Variants in DGKB observed in about 807,000 individuals in gnomAD.
DGKB encodes the protein diacylglycerol kinase beta.
Under a neutral mutation model 114.3 loss-of-function variants are expected in DGKB, and 67 were observed. The ratio of observed to expected loss-of-function variants is 0.59; its 90% CI spans 0.48 to 0.72. DGKB has a LOEUF of 0.72. Among genes scored for constraint, DGKB ranks in the 30% least tolerant of loss-of-function variants. DGKB has a pLI of 0.00. For synonymous variants in DGKB, 398 were observed against 323.1 expected (o/e 1.23, Z -2.49); for missense variants, 907 against 975.2 (o/e 0.93, Z 0.93).
At chr7:14,521,329 A>C (rs960134813) in intron 20 of DGKB, among the ~76,000 whole-genome samples, 1 of 152,154 alleles carries the variant, frequency 6.6e-6, no homozygotes, top group Non-Finnish European at 1.5e-5. Flanking sequence ...TATTCAAAAA[A>C]TGGTGCTGGA....
At chr7:14,339,628 T>C (rs1811283467) in intron 22 of DGKB, among the ~76,000 whole-genome samples, 1 of 152,044 alleles carries the variant, frequency 6.6e-6, no homozygotes, top group Non-Finnish European at 1.5e-5. Context: ...ACAAGACTAT[T>C]CTGTATTTTT....
intron 1 of DGKB, among the ~76,000 whole-genome samples, chr7:14,916,180 C>G (rs1305962867): frequency 1.3e-5 from 2 of 151,492 alleles, no homozygotes; most frequent in Non-Finnish European, 2.9e-5. Flanking sequence ...TGAGATAACC[C>G]CTAACATTTT....
intron 21 of DGKB, among the ~76,000 whole-genome samples, chr7:14,382,714 T>C (rs1392513176): frequency 6.6e-6 from 1 of 152,146 alleles, no homozygotes; most frequent in African/African-American, 2.4e-5. Flanking sequence ...AAAAGTTTTG[T>C]TTTTACTCCC....
At chr7:14,828,859 G>A (rs1484807712) in intron 2 of DGKB, among the ~76,000 whole-genome samples, 34 of 152,104 alleles carry the variant, frequency 2.2e-4, no homozygotes, top group Non-Finnish European at 4.4e-5. Flanking sequence ...TAGTCTGAAT[G>A]TAGGACATTA....
intron 6 of DGKB, among the ~76,000 whole-genome samples, chr7:14,710,013 CAATCTTTTCTTCTCCTATTACAAAACAA>C (rs1233814884): frequency 6.7e-6 from 1 of 149,812 alleles, no homozygotes. Flanking sequence ...AAATGTTTGC[CAATCTTTTCTTCTCCTATTACAAAACAA>C]AATGAAAAAC....
At chr7:14,744,516 A>G (rs566277791) in intron 4 of DGKB, among the ~76,000 whole-genome samples, 6 of 152,334 alleles carry the variant, frequency 3.9e-5, no homozygotes, top group African/African-American at 1.4e-4. Flanking sequence ...AGGAACCTCA[A>G]GAAGAGAGGA....
chr7:14,875,658 C>T (rs1015450768), intron 1 of DGKB, among the ~76,000 whole-genome samples: 4 of 152,126 alleles, frequency 2.6e-5, no homozygotes, highest in African/African-American at 4.8e-5. Flanking sequence ...ATGTTGAACA[C>T]TTTGCGTATT....
At chr7:14,605,766 A>C (rs1585071517) in intron 17 of DGKB, among the ~76,000 whole-genome samples, 1 of 152,224 alleles carries the variant, frequency 6.6e-6, no homozygotes, top group Non-Finnish European at 1.5e-5. Flanking sequence ...CAAAACAGTC[A>C]TGTTTTTATT....
intron 2 of DGKB, among the ~76,000 whole-genome samples, chr7:14,825,847 G>C (rs989683160): frequency 2.0e-5 from 3 of 152,104 alleles, no homozygotes; most frequent in Admixed American, 6.6e-5. Context: ...AACTACAAGT[G>C]AGCTCTTACC....
intron 5 of DGKB, among the ~76,000 whole-genome samples, chr7:14,730,184 C>A (rs1830701567): frequency 6.6e-6 from 1 of 152,098 alleles, no homozygotes; most frequent in Admixed American, 6.5e-5. Context: ...CTAACAGTTA[C>A]TAATAATTGC....
intron 20 of DGKB, among the ~76,000 whole-genome samples, chr7:14,501,178 G>A (rs975876211): frequency 1.3e-5 from 2 of 151,754 alleles, no homozygotes; most frequent in African/African-American, 4.8e-5. Context: ...GAATCACAAG[G>A]TTGTGACTGT....
intron 1 of DGKB, among the ~76,000 whole-genome samples, chr7:14,967,461 T>C (rs568811048): frequency 4.4e-4 from 67 of 151,852 alleles, no homozygotes; most frequent in African/African-American, 1.6e-3. Flanking sequence ...GCTGGGATTG[T>C]AGGCATGCAC....
At chr7:14,483,542 C>A (rs1372324670) in intron 20 of DGKB, among the ~76,000 whole-genome samples, 2 of 152,136 alleles carry the variant, frequency 1.3e-5, no homozygotes, top group African/African-American at 4.8e-5. Context: ...AGACATGAAT[C>A]TTTGGGGGCC....
At chr7:14,509,420 T>C (rs1821100) in intron 20 of DGKB, among the ~76,000 whole-genome samples, 64,897 of 151,868 alleles carry the variant, frequency 0.43, 14,844 homozygotes, top group East Asian at 0.73. Context: ...TAACACTCCC[T>C]TGAAGCAGTG....
At chr7:14,301,092 T>A (rs6975040) in intron 23 of DGKB, among the ~76,000 whole-genome samples, 132,667 of 152,160 alleles carry the variant, frequency 0.87, 58,176 homozygotes, top group African/African-American at 0.97. Flanking sequence ...ATGGTTTTAA[T>A]AATAAAAGAT....
intron 3 of DGKB, among the ~76,000 whole-genome samples, chr7:14,755,617 A>G (rs2128443283): frequency 6.6e-6 from 1 of 152,244 alleles, no homozygotes; most frequent in East Asian, 1.9e-4. Context: ...GACATTAGGA[A>G]TTCTGCCATA....
At chr7:14,830,458 T>G (rs1321954318) in intron 2 of DGKB, among the ~76,000 whole-genome samples, 1 of 152,060 alleles carries the variant, frequency 6.6e-6, no homozygotes, top group East Asian at 1.9e-4. Flanking sequence ...TTAGCAGAAC[T>G]TTGTAAATAT....
chr7:14,904,688 G>A (rs991179137), upstream of DGKB, among the ~76,000 whole-genome samples: 6 of 152,034 alleles, frequency 3.9e-5, no homozygotes, highest in Non-Finnish European at 8.8e-5. Context: ...CCTTAAATGC[G>A]AATAGCATCC....
In DGKB at chr7:14,813,754, A is replaced by G. The variant is rs73052910; in HGVS notation, c.70+27440T>C. 1.5e-3 allele frequency among the ~76,000 whole-genome samples: 232 copies of G among 152,122 alleles called. 1 individual carries two copies. The Middle Eastern group carries it at 0.02, about 13-fold the overall frequency. On this transcript the variant is annotated intron_variant, in intron 2 of 25. Transcript: ENST00000402815. The stretch of plus-strand genomic sequence containing the variant: ...GATATATAATGTTTTCTTTCATTGA[A>G]TCTTTTACTCTAGTGATTTTTTAAA...
Sources: gnomAD v4.1 joint callset for allele counts (sites outside exome capture counted in the v4.1 genomes callset) on GRCh38, gnomAD v4.1.1 for gene constraint, MANE v1.5 for transcripts, NCBI Gene and HGNC (gene_info 2026-07-23, HGNC 2026-07-21) for gene names.